Variants in ARHGAP15 observed in about 807,000 individuals in gnomAD.
ARHGAP15 encodes the protein rho GTPase-activating protein 15.
ARHGAP15 carries 51 observed loss-of-function variants against 63.7 expected under a neutral mutation model. That is an observed-to-expected ratio of 0.80 (90% confidence interval 0.64 to 1.01). The LOEUF (loss-of-function observed/expected upper bound fraction) is 1.01. ARHGAP15 is among the 50% of genes least tolerant of loss of function. The pLI is 0.00. For missense variants in ARHGAP15, 560 were observed against 564.6 expected (o/e 0.99, Z 0.08); for synonymous variants, 191 against 193.8 (o/e 0.99, Z 0.12).
At chr2:143,574,172 TCACA>T (rs1696574086) in intron 11 of ARHGAP15, among the ~76,000 whole-genome samples, 1 of 152,104 alleles carries the variant, frequency 6.6e-6, no homozygotes, top group Non-Finnish European at 1.5e-5. Flanking sequence ...TGACACTCAC[TCACA>T]CACATCCCTT....
intron 8 of ARHGAP15, among the ~76,000 whole-genome samples, chr2:143,446,948 G>C (rs956172527): frequency 6.6e-6 from 1 of 152,130 alleles, no homozygotes; most frequent in African/African-American, 2.4e-5. Flanking sequence ...TCCCTACAAA[G>C]GACATGAACT....
At chr2:143,664,348 A>G (rs1682026139) in intron 12 of ARHGAP15, among the ~76,000 whole-genome samples, 1 of 151,644 alleles carries the variant, frequency 6.6e-6, no homozygotes, top group Non-Finnish European at 1.5e-5. Context: ...AGGCAGAAAT[A>G]AAGATGTTCT....
rs73961806 is a variant in ARHGAP15, at chr2:143,545,904, C to A, written c.926-10504C>A. 6.1e-3 allele frequency among the ~76,000 whole-genome samples: 928 copies of A among 152,244 alleles called. 9 individuals carry two copies. Among genetic ancestry groups the A allele is most frequent in the African/African-American group, 0.021 (873 of 41,552 alleles). The stretch of plus-strand genomic sequence containing the variant: ...GATTCACAAAAAGGACAATGAGGCA[C>A]TGAAAATGTTCGCTTTTCAAACAAT... On this transcript the variant is annotated intron_variant, in intron 10 of 13. Coordinates refer to ENST00000295095, the MANE Select transcript of ARHGAP15 (RefSeq NM_018460.4).
intron 6 of ARHGAP15, among the ~76,000 whole-genome samples, chr2:143,382,099 TCC>T (rs1558933916): frequency 7.0e-5 from 2 of 28,644 alleles, no homozygotes; most frequent in East Asian, 1.9e-3. Flanking sequence ...CCTTCCTCCC[TCC>T]CTTTCCTTCC....
chr2:143,680,128 TA>T (rs1315333935), intron 12 of ARHGAP15, among the ~76,000 whole-genome samples: 1 of 151,412 alleles, frequency 6.6e-6, no homozygotes, highest in African/African-American at 2.4e-5. Flanking sequence ...TTAATATTTA[TA>T]ATTCCAAGAC....
chr2:143,544,288 A>T (rs1335532397), intron 10 of ARHGAP15, among the ~76,000 whole-genome samples: 1 of 152,166 alleles, frequency 6.6e-6, no homozygotes, highest in Non-Finnish European at 1.5e-5. Context: ...TAAATTAGAG[A>T]TACAAAATAC....
chr2:143,285,468 T>G (rs1682044670), intron 6 of ARHGAP15, among the ~76,000 whole-genome samples: 1 of 152,172 alleles, frequency 6.6e-6, no homozygotes, highest in Non-Finnish European at 1.5e-5. Flanking sequence ...TTCCAATATC[T>G]TTACCTCGGT....
At chr2:143,624,413 T>C (rs1698761301) in intron 12 of ARHGAP15, 146 bp downstream of exon 12, 4 of 956,714 alleles carry the variant, frequency 4.2e-6, no homozygotes, top group Non-Finnish European at 5.7e-6. Context: ...GTTTTTGTGT[T>C]TTGATGGCTT....
chr2:143,236,041 C>T, intron 5 of ARHGAP15: 2 of 1,509,156 alleles, frequency 1.3e-6, no homozygotes, highest in South Asian at 2.6e-5. Context: ...TGATGGATTG[C>T]ATCATAGAGA....
intron 6 of ARHGAP15, among the ~76,000 whole-genome samples, chr2:143,288,046 C>T (rs1226013234): frequency 6.6e-6 from 1 of 152,184 alleles, no homozygotes; most frequent in African/African-American, 2.4e-5. Context: ...ACTCATACAC[C>T]TTGGCACATG....
intron 8 of ARHGAP15, among the ~76,000 whole-genome samples, chr2:143,465,127 T>C (rs1026046177): frequency 1.3e-5 from 2 of 152,172 alleles, no homozygotes; most frequent in East Asian, 3.9e-4. Context: ...TTAGGTCTCC[T>C]TAACCTCCTC....
At chr2:143,735,422 C>T (rs1225220147) in intron 13 of ARHGAP15, among the ~76,000 whole-genome samples, 3 of 152,172 alleles carry the variant, frequency 2.0e-5, no homozygotes, top group East Asian at 1.9e-4. Context: ...CTAAACTCTG[C>T]TTGCCTCTGG....
rs571902148 is a variant in ARHGAP15, at chr2:143,285,428, C to G, written c.474+34828C>G. 1.3e-4 allele frequency among the ~76,000 whole-genome samples: 20 copies of G among 152,134 alleles called. No homozygotes were observed. The East Asian group carries it at 2.9e-3, about 22-fold the overall frequency. ...GACAGTAAATAATATGAAACTTGTA[C>G]TTTGTTTGCTTTAGAAATATTATTT... On this transcript the variant is annotated intron_variant, in intron 6 of 13. Transcript: ENST00000295095.
intron 6 of ARHGAP15, among the ~76,000 whole-genome samples, chr2:143,303,834 C>G (rs897766086): frequency 1.3e-5 from 2 of 152,088 alleles, no homozygotes; most frequent in African/African-American, 4.8e-5. Context: ...ATTTATGCAG[C>G]CAACAGACAC....
At chr2:143,708,266 T>C in intron 13 of ARHGAP15, among the ~76,000 whole-genome samples, 1 of 152,230 alleles carries the variant, frequency 6.6e-6, no homozygotes, top group East Asian at 1.9e-4. Flanking sequence ...ATAAACATTT[T>C]ACATCAATGT....
intron 11 of ARHGAP15, among the ~76,000 whole-genome samples, chr2:143,604,195 T>C (rs1697893755): frequency 6.6e-6 from 1 of 152,244 alleles, no homozygotes; most frequent in Admixed American, 6.5e-5. Context: ...CCTACTCTTT[T>C]GATCCTAGCT....
At chr2:143,738,896 C>T (rs565906270) in intron 13 of ARHGAP15, among the ~76,000 whole-genome samples, 3 of 152,172 alleles carry the variant, frequency 2.0e-5, no homozygotes, top group African/African-American at 4.8e-5. Context: ...TTCAAACAGC[C>T]GTAACGAAAA....
At chr2:143,586,393 T>C (rs1344491544) in intron 11 of ARHGAP15, among the ~76,000 whole-genome samples, 2 of 152,104 alleles carry the variant, frequency 1.3e-5, no homozygotes, top group East Asian at 1.9e-4. Context: ...TCAAGAGAAC[T>C]AGTCCTATTT....
chr2:143,422,039 C>T (rs1030746348), intron 6 of ARHGAP15, among the ~76,000 whole-genome samples: 11 of 152,040 alleles, frequency 7.2e-5, no homozygotes, highest in African/African-American at 2.4e-4. Context: ...TACGTTCTTC[C>T]CTTAGTGCCT....
Sources: allele counts gnomAD v4.1 joint callset (sites outside exome capture counted in the v4.1 genomes callset), GRCh38; gene constraint gnomAD v4.1.1; transcripts MANE v1.5; gene names NCBI Gene and HGNC (gene_info 2026-07-23, HGNC 2026-07-21).